SLC39A11: variants seen among roughly 807,000 people sequenced by gnomAD.
The protein encoded by SLC39A11 is zinc transporter ZIP11.
In SLC39A11, 33 loss-of-function variants were observed where a neutral mutation model predicts 36.1. That is an observed-to-expected ratio of 0.91 (90% CI 0.69 to 1.22). The LOEUF (loss-of-function observed/expected upper bound fraction) is 1.22. Among genes scored for constraint, SLC39A11 ranks in the 50% most tolerant of loss-of-function variants. The probability of loss-of-function intolerance (pLI) is 0.00; values close to 1 mark genes in which losing one functional copy is unlikely to be tolerated. For synonymous variants in SLC39A11, 166 were observed against 170.3 expected, an observed-to-expected ratio of 0.97 and a Z score of 0.20; for missense variants, 432 against 430.3, an observed-to-expected ratio of 1.00 and a Z score of -0.03.
chr17:73,024,272 C>G (rs111492039), intron 4 of SLC39A11, among the ~76,000 whole-genome samples: 57 of 152,128 alleles, frequency 3.7e-4, no homozygotes, highest in Admixed American at 1.5e-3. Flanking sequence ...TAGCTCAACC[C>G]CAGGATGCAG....
chr17:72,881,149 C>T (rs2081180996), intron 5 of SLC39A11, among the ~76,000 whole-genome samples: 1 of 152,024 alleles, frequency 6.6e-6, no homozygotes, highest in Non-Finnish European at 1.5e-5. Flanking sequence ...GTCCATTTCA[C>T]TCCTTGGTAT....
chr17:72,788,221 G>A (rs2076582603), intron 6 of SLC39A11, among the ~76,000 whole-genome samples: 2 of 152,174 alleles, frequency 1.3e-5, no homozygotes, highest in East Asian at 1.9e-4. Context: ...TGGACCCCTC[G>A]ACCAGAAATT....
chr17:72,818,494 A>G (rs993882933), intron 6 of SLC39A11, among the ~76,000 whole-genome samples: 3 of 152,230 alleles, frequency 2.0e-5, no homozygotes, highest in African/African-American at 7.2e-5. Context: ...GGTAGGAGGT[A>G]AGCAGTGACT....
chr17:73,030,798 G>A (rs543386258), intron 4 of SLC39A11, among the ~76,000 whole-genome samples: 4 of 152,220 alleles, frequency 2.6e-5, no homozygotes, highest in East Asian at 1.9e-4. Context: ...AATGGCTTGC[G>A]GTTCCCATCG....
intron 6 of SLC39A11, among the ~76,000 whole-genome samples, chr17:72,746,807 G>T (rs2074956918): frequency 1.3e-5 from 2 of 151,970 alleles, no homozygotes; most frequent in Admixed American, 1.3e-4. Context: ...AGCTACTAGG[G>T]AGGATGAGAT....
chr17:72,679,781 C>T (rs759764823), intron 7 of SLC39A11, among the ~76,000 whole-genome samples: 3 of 152,196 alleles, frequency 2.0e-5, no homozygotes, highest in Middle Eastern at 3.4e-3. Flanking sequence ...CGGTGGCTCA[C>T]GCCTGTAATC....
intron 6 of SLC39A11, among the ~76,000 whole-genome samples, chr17:72,760,043 T>C (rs1189401598): frequency 6.6e-6 from 1 of 152,222 alleles, no homozygotes; most frequent in Non-Finnish European, 1.5e-5. Flanking sequence ...TTTTATTTTT[T>C]TGACACAGGG....
chr17:72,908,129 C>T (rs1216877317), intron 5 of SLC39A11, among the ~76,000 whole-genome samples: 2 of 152,204 alleles, frequency 1.3e-5, no homozygotes, highest in African/African-American at 4.8e-5. Flanking sequence ...TTCTGGCATC[C>T]AGGGCCCGTC....
chr17:72,717,049 CACATATAT>C (rs1357516675), intron 7 of SLC39A11, among the ~76,000 whole-genome samples: 4 of 144,832 alleles, frequency 2.8e-5, no homozygotes, highest in South Asian at 2.1e-4. Flanking sequence ...AATATATATA[CACATATAT>C]ACATATATAC....
intron 6 of SLC39A11, among the ~76,000 whole-genome samples, chr17:72,773,096 AAAAG>A (rs1404321969): frequency 2.0e-5 from 3 of 152,318 alleles, no homozygotes; most frequent in Admixed American, 6.5e-5. Flanking sequence ...CAAAAAAGAA[AAAAG>A]AAAGAAAGAA....
At chr17:72,788,864 T>A (rs968001494) in intron 6 of SLC39A11, among the ~76,000 whole-genome samples, 2 of 152,232 alleles carry the variant, frequency 1.3e-5, no homozygotes, top group Non-Finnish European at 2.9e-5. Context: ...AGGAGGTGAC[T>A]GTCAGAAACC....
chr17:73,072,517 A>G (rs1422958506), intron 3 of SLC39A11: 3 of 152,220 alleles, frequency 2.0e-5, no homozygotes, highest in African/African-American at 7.2e-5. Flanking sequence ...CCTCCCCCAC[A>G]CTGTGGATAA....
intron 5 of SLC39A11, among the ~76,000 whole-genome samples, chr17:72,865,293 A>G (rs1028620846): frequency 8.6e-5 from 13 of 151,580 alleles, no homozygotes; most frequent in African/African-American, 3.1e-4. Context: ...TGCAAGATTC[A>G]TGGAATTCTG....
At chr17:73,088,593 G>T in intron 2 of SLC39A11, 64 bp downstream of exon 2, 1 of 1,293,944 alleles carries the variant, frequency 7.7e-7, no homozygotes, top group Non-Finnish European at 1.1e-6. Flanking sequence ...TCCATGGAGT[G>T]GGACAGTGCC....
chr17:73,085,324 T>C (rs1055503693), intron 2 of SLC39A11, among the ~76,000 whole-genome samples: 1 of 149,076 alleles, frequency 6.7e-6, no homozygotes, highest in Non-Finnish European at 1.5e-5. Flanking sequence ...CTAGCCAACA[T>C]GATGAAACCC....
At chr17:72,823,109 G>A (rs565203766) in intron 6 of SLC39A11, among the ~76,000 whole-genome samples, 15 of 151,288 alleles carry the variant, frequency 9.9e-5, no homozygotes, top group South Asian at 6.3e-4. Context: ...GTCCAAAAGC[G>A]TTCAACTCAG....
At chr17:72,939,852 C>CT (rs2084987710) in intron 5 of SLC39A11, among the ~76,000 whole-genome samples, 1 of 152,122 alleles carries the variant, frequency 6.6e-6, no homozygotes, top group African/African-American at 2.4e-5. Context: ...TCTGAAGGGA[C>CT]CAGAGTGTTT....
At chr17:72,681,278 G>A (rs1008365305) in intron 7 of SLC39A11, among the ~76,000 whole-genome samples, 1 of 152,170 alleles carries the variant, frequency 6.6e-6, no homozygotes, top group African/African-American at 2.4e-5. Flanking sequence ...CCTACTCTGA[G>A]GAGTGGAATT....
chr17:73,051,307 G>A lies in SLC39A11; in HGVS notation c.148-19593C>T, dbSNP rs541663857. On this transcript the variant is annotated intron_variant, in intron 3 of 9. Coordinates refer to ENST00000255559, the MANE Select transcript of SLC39A11 (RefSeq NM_139177.4). Reference sequence around the variant, plus strand: ...CATCTTAACTTGATTAAATTTCCATGACAGTAACTTGTTTATATCCACAAA... The same window carrying A: ...CATCTTAACTTGATTAAATTTCCATAACAGTAACTTGTTTATATCCACAAA... 4.6e-5 allele frequency among the ~76,000 whole-genome samples: 7 copies of A among 152,184 alleles called. 1 individual carries two copies. In the South Asian group the frequency reaches 1.5e-3, roughly 32 times the overall value.
Sources: allele counts gnomAD v4.1 joint callset (sites outside exome capture counted in the v4.1 genomes callset), GRCh38; gene constraint gnomAD v4.1.1; transcripts MANE v1.5; gene names NCBI Gene and HGNC (gene_info 2026-07-23, HGNC 2026-07-21).